USH2A: variants seen among roughly 807,000 people sequenced by gnomAD.
The protein encoded by USH2A is Usher syndrome 2A (autosomal recessive, mild).
Under a neutral mutation model 538.9 loss-of-function variants are expected in USH2A, and 443 were observed. That is an observed-to-expected ratio of 0.82 (90% CI 0.76 to 0.89). The LOEUF (loss-of-function observed/expected upper bound fraction) is 0.89, where lower values mean the gene tolerates loss of function less well. Ranked by LOEUF, USH2A falls within the 40% of genes least tolerant of loss-of-function variation. The pLI is 0.00. For synonymous variants in USH2A, 2,413 were observed against 2,273.5 expected (o/e 1.06, Z -1.75); for missense variants, 6,633 against 6,324.8 (o/e 1.05, Z -1.65).
intron 4 of USH2A, among the ~76,000 whole-genome samples, chr1:216,336,090 C>A (rs1157676545): frequency 2.0e-5 from 3 of 151,486 alleles, no homozygotes; most frequent in Middle Eastern, 3.4e-3. Flanking sequence ...GGAATTATCA[C>A]AAGGATGCAA....
At chr1:215,821,806 C>T (rs1663025136) in intron 47 of USH2A, among the ~76,000 whole-genome samples, 1 of 151,640 alleles carries the variant, frequency 6.6e-6, no homozygotes, top group Admixed American at 6.6e-5. Flanking sequence ...AGATAGGGGT[C>T]TATCTCTTCT....
At chr1:216,161,240 C>T (rs1416077191) in intron 21 of USH2A, among the ~76,000 whole-genome samples, 1 of 152,016 alleles carries the variant, frequency 6.6e-6, no homozygotes, top group Non-Finnish European at 1.5e-5. Flanking sequence ...CTTTTATTCC[C>T]CACATTTGCT....
chr1:215,802,701 T>G (rs2102782515), intron 49 of USH2A, among the ~76,000 whole-genome samples: 1 of 152,244 alleles, frequency 6.6e-6, no homozygotes, highest in African/African-American at 2.4e-5. Flanking sequence ...ATGGCAGTTC[T>G]TAACATGAAA....
chr1:216,237,204 G>A (rs2035841773), intron 13 of USH2A, among the ~76,000 whole-genome samples: 1 of 152,160 alleles, frequency 6.6e-6, no homozygotes, highest in East Asian at 1.9e-4. Flanking sequence ...TTTGAACTCT[G>A]TGGTTTCCCA....
At chr1:216,250,507 C>T (rs658740) in intron 12 of USH2A, among the ~76,000 whole-genome samples, 145,655 of 152,276 alleles carry the variant, frequency 0.96, 69,695 homozygotes, top group African/African-American at 0.99. Flanking sequence ...AAAAAATCCA[C>T]TTATTTTGGT....
At chr1:215,928,403 A>C (rs1666289852) in intron 38 of USH2A, among the ~76,000 whole-genome samples, 1 of 151,956 alleles carries the variant, frequency 6.6e-6, no homozygotes, top group Non-Finnish European at 1.5e-5. Flanking sequence ...TTTTGGTGCT[A>C]GTACATCATT....
At chr1:216,303,870 TGA>T (rs1217549248) in intron 9 of USH2A, among the ~76,000 whole-genome samples, 4 of 151,966 alleles carry the variant, frequency 2.6e-5, no homozygotes, top group Non-Finnish European at 4.4e-5. Context: ...AAATATTTGT[TGA>T]GTGACTAAAG....
At chr1:215,752,478 G>A (rs78114981) in intron 58 of USH2A, among the ~76,000 whole-genome samples, 2,779 of 152,224 alleles carry the variant, frequency 0.018, 30 homozygotes, top group Middle Eastern at 0.031. Flanking sequence ...ATAGAATTTG[G>A]ATGATCTCTT....
intron 61 of USH2A, among the ~76,000 whole-genome samples, chr1:215,700,965 A>G (rs1234262771): frequency 1.3e-5 from 2 of 152,222 alleles, no homozygotes; most frequent in African/African-American, 2.4e-5. Flanking sequence ...ATTTCCCTCT[A>G]AACACTGCTT....
chr1:215,830,587 C>T (rs1440722440), intron 47 of USH2A, among the ~76,000 whole-genome samples: 7 of 151,980 alleles, frequency 4.6e-5, no homozygotes, highest in African/African-American at 7.3e-5. Flanking sequence ...GAAGGAAGTC[C>T]AAAGGAGCTG....
intron 26 of USH2A, among the ~76,000 whole-genome samples, chr1:216,078,719 T>C (rs775718763): frequency 6.6e-6 from 1 of 152,172 alleles, no homozygotes; most frequent in Non-Finnish European, 1.5e-5. Context: ...CTTTGAACTA[T>C]GACTCTTTGA....
chr1:215,937,415 T>C (rs1666532192), intron 37 of USH2A, among the ~76,000 whole-genome samples: 1 of 152,102 alleles, frequency 6.6e-6, no homozygotes, highest in Non-Finnish European at 1.5e-5. Flanking sequence ...TTGCTTCTAC[T>C]GAAGATTATT....
intron 44 of USH2A, among the ~76,000 whole-genome samples, chr1:215,866,747 A>G (rs1571762089): frequency 6.6e-6 from 1 of 152,192 alleles, no homozygotes; most frequent in Non-Finnish European, 1.5e-5. Context: ...TCAAAGTAGG[A>G]GAGAGTTTGC....
At chr1:216,030,283 A>G (rs1238532212) in intron 32 of USH2A, among the ~76,000 whole-genome samples, 3 of 138,338 alleles carry the variant, frequency 2.2e-5, no homozygotes, top group African/African-American at 7.8e-5. Flanking sequence ...TGTATCACAG[A>G]TATATAATAT....
chr1:216,385,242 G>A (rs558110870), intron 3 of USH2A, among the ~76,000 whole-genome samples: 1 of 152,290 alleles, frequency 6.6e-6, no homozygotes, highest in East Asian at 1.9e-4. Flanking sequence ...ATGAGGAGTG[G>A]ATGAATGAGC....
intron 58 of USH2A, among the ~76,000 whole-genome samples, chr1:215,747,871 TTTG>T (rs1226716763): frequency 5.4e-5 from 7 of 129,534 alleles, no homozygotes; most frequent in South Asian, 2.3e-4. Flanking sequence ...TTTGTTTTTT[TTTG>T]TTTGTTTGTT....
chr1:216,218,994 G>A (rs955473993), intron 14 of USH2A, among the ~76,000 whole-genome samples: 158 of 145,330 alleles, frequency 1.1e-3, no homozygotes, highest in African/African-American at 4.1e-3. Context: ...CAATGTATGT[G>A]TGTGTGTGTG....
chr1:215,959,759 A>T (rs926888678), intron 37 of USH2A, among the ~76,000 whole-genome samples: 1 of 152,128 alleles, frequency 6.6e-6, no homozygotes, highest in Non-Finnish European at 1.5e-5. Flanking sequence ...TTTGAAGATG[A>T]AAACTAAGCT....
At position 216,421,910 on chromosome 1, in the gene USH2A, T is replaced by C; in HGVS notation, c.427A>G (p.Lys143Glu). 6.2e-7 allele frequency: 1 copy of C among 1,613,890 alleles called. No homozygotes were observed. Among genetic ancestry groups the C allele is most frequent in the South Asian group, 1.1e-5 (1 of 91,082 alleles). ...GCTAAGGTAAATGATGCCATCAGCTTTGGAGAAGGAGGAGAAGAAAAGCAG... is the reference window on the plus strand; with the variant it reads ...GCTAAGGTAAATGATGCCATCAGCTCTGGAGAAGGAGGAGAAGAAAAGCAG... ...KSCFSSPPSP[K>E]LMASFTLAVW... The change falls in exon 2 of 72, where the codon AAG (lysine) becomes GAG (glutamate). Residue 143 changes from lysine to glutamate, a missense_variant. Transcript: ENST00000307340.
Sources: gnomAD v4.1 joint callset for allele counts (sites outside exome capture counted in the v4.1 genomes callset) on GRCh38, gnomAD v4.1.1 for gene constraint, MANE v1.5 for transcripts, NCBI Gene and HGNC (gene_info 2026-07-23, HGNC 2026-07-21) for gene names.